Variants in AFF1 observed in about 807,000 individuals in gnomAD.
AFF1 encodes the protein AF4/FMR2 family member 1.
A neutral mutation model predicts 121.7 loss-of-function variants in AFF1; 48 were observed. The observed-to-expected ratio is 0.39, with a 90% confidence interval of 0.31 to 0.50. The LOEUF (loss-of-function observed/expected upper bound fraction) is 0.50, where lower values mean the gene tolerates loss of function less well. Among genes scored for constraint, AFF1 ranks in the 20% least tolerant of loss-of-function variants. AFF1 has a pLI of 0.76. For missense variants in AFF1, 1,523 were observed against 1,511.7 expected (o/e 1.01, Z -0.12); for synonymous variants, 613 against 563.0 (o/e 1.09, Z -1.26).
chr4:87,089,239 C>T (rs962439857), intron 5 of AFF1, among the ~76,000 whole-genome samples: 1 of 152,082 alleles, frequency 6.6e-6, no homozygotes, highest in African/African-American at 2.4e-5. Context: ...TGTGTATTTG[C>T]AATTTGACAC....
intron 2 of AFF1, among the ~76,000 whole-genome samples, chr4:87,008,833 C>A (rs1025327827): frequency 6.6e-6 from 1 of 152,118 alleles, no homozygotes; most frequent in Non-Finnish European, 1.5e-5. Context: ...CCATTGATTT[C>A]TTTTAAATAT....
intron 2 of AFF1, chr4:87,020,739 C>T: frequency 4.2e-6 from 4 of 941,216 alleles, no homozygotes; most frequent in Non-Finnish European, 5.1e-6. Context: ...CTGCCTCAGC[C>T]TCTCAAAATG....
In AFF1 at chr4:86,960,865, G is replaced by C. The variant is rs1414795220; in HGVS notation, c.38+12294G>C. On this transcript the variant is annotated intron_variant, in intron 2 of 20. Coordinates refer to ENST00000395146, the MANE Select transcript of AFF1 (RefSeq NM_001166693.3). ...GGTCAGAGACTGCCCTTTGTAACCT[G>C]AGTGGAACTGGTAAGGCACTGGGCA... 3.9e-5 allele frequency among the ~76,000 whole-genome samples: 6 copies of C among 152,264 alleles called. No homozygotes were observed. In the East Asian group the frequency reaches 9.7e-4, roughly 25 times the overall value.
rs1166105519 is a variant in AFF1 at position 87,137,515 on chromosome 4, T to C, written c.*1814T>C. ...ACTAAGTCAGAGGTCTGGTCCCTCATGTTTAGGTGAAAGCCAGAGAATGAC... is the reference window on the plus strand; with the variant it reads ...ACTAAGTCAGAGGTCTGGTCCCTCACGTTTAGGTGAAAGCCAGAGAATGAC... On this transcript the variant is annotated 3_prime_UTR_variant, in exon 21 of 21. Coordinates refer to ENST00000395146, the MANE Select transcript of AFF1 (RefSeq NM_001166693.3). 1.3e-5 allele frequency: 3 copies of C among 230,466 alleles called. No individual in the cohort carries two copies. The East Asian group carries it at 1.8e-4, about 14-fold the overall frequency. The allele number at this position is 230,466 out of a possible 1,614,324, so 14.3% of individuals were successfully genotyped here. A position where few individuals can be genotyped will look rare whatever the true frequency, so the allele number is the denominator to read the frequency against.
intron 2 of AFF1, among the ~76,000 whole-genome samples, chr4:87,008,034 A>G (rs1726345709): frequency 1.3e-5 from 2 of 151,592 alleles, no homozygotes; most frequent in African/African-American, 2.4e-5. Context: ...TAAGAACCTG[A>G]AGCCCCGTCT....
At chr4:87,030,945 A>G (rs773197416) in intron 2 of AFF1, among the ~76,000 whole-genome samples, 1 of 152,156 alleles carries the variant, frequency 6.6e-6, no homozygotes, top group Non-Finnish European at 1.5e-5. Flanking sequence ...GTGCATTTGC[A>G]TTCTAAACTC....
At chr4:87,052,514 G>A (rs1370279347) in intron 4 of AFF1, among the ~76,000 whole-genome samples, 1 of 152,024 alleles carries the variant, frequency 6.6e-6, no homozygotes, top group African/African-American at 2.4e-5. Context: ...TGGAACTGGC[G>A]ACATAGGCAG....
chr4:86,964,161 G>A (rs556821686), intron 2 of AFF1, among the ~76,000 whole-genome samples: 3 of 142,824 alleles, frequency 2.1e-5, no homozygotes, highest in South Asian at 2.2e-4. Flanking sequence ...GTCTCGCCCC[G>A]TCACCAGGCT....
chr4:87,019,884 C>CA (rs1553918041), intron 2 of AFF1, among the ~76,000 whole-genome samples: 1 of 82,560 alleles, frequency 1.2e-5, no homozygotes, highest in Admixed American at 1.3e-4. Flanking sequence ...CTGAAGGGGT[C>CA]GGGGGGGGGC....
chr4:87,062,646 A>T (rs1720901168), intron 4 of AFF1, among the ~76,000 whole-genome samples: 1 of 152,194 alleles, frequency 6.6e-6, no homozygotes, highest in Non-Finnish European at 1.5e-5. Flanking sequence ...TTATTTTTAT[A>T]GCCAGTAATA....
At chr4:86,954,430 T>G (rs1481438843) in intron 2 of AFF1, among the ~76,000 whole-genome samples, 1 of 152,180 alleles carries the variant, frequency 6.6e-6, no homozygotes, top group Non-Finnish European at 1.5e-5. Flanking sequence ...GAAAATGTTA[T>G]TAAAATCATT....
At chr4:86,988,380 C>G (rs1724453837) in intron 2 of AFF1, among the ~76,000 whole-genome samples, 1 of 147,824 alleles carries the variant, frequency 6.8e-6, no homozygotes. Context: ...GTTAGATCAA[C>G]TTTTTTTTTT....
At chr4:87,119,118 T>C (rs557228182) in intron 12 of AFF1, among the ~76,000 whole-genome samples, 1 of 152,322 alleles carries the variant, frequency 6.6e-6, no homozygotes, top group South Asian at 2.1e-4. Flanking sequence ...CCTATTCTCC[T>C]GCCTCACTGG....
At chr4:87,123,310 C>A (rs1365440153) in intron 12 of AFF1, among the ~76,000 whole-genome samples, 1 of 152,160 alleles carries the variant, frequency 6.6e-6, no homozygotes, top group Non-Finnish European at 1.5e-5. Context: ...ATATTACATT[C>A]TCTTTTTTCT....
At chr4:87,058,357 A>G (rs1720371464) in intron 4 of AFF1, among the ~76,000 whole-genome samples, 1 of 152,178 alleles carries the variant, frequency 6.6e-6, no homozygotes, top group African/African-American at 2.4e-5. Flanking sequence ...TCATGCAAAT[A>G]TAGGGTGGCA....
chr4:87,092,466 C>CT (rs1362183787), intron 7 of AFF1, among the ~76,000 whole-genome samples: 1 of 152,106 alleles, frequency 6.6e-6, no homozygotes, highest in African/African-American at 2.4e-5. Flanking sequence ...AAAAACAAAA[C>CT]TAAGAAATTT....
chr4:86,941,677 T>TAAAA (rs1266733855), intron 1 of AFF1, among the ~76,000 whole-genome samples: 1 of 149,766 alleles, frequency 6.7e-6, no homozygotes, highest in Non-Finnish European at 1.5e-5. Flanking sequence ...AATAAATAAA[T>TAAAA]AAAATAAAAA....
At position 87,139,231 on chromosome 4, in the gene AFF1, G is replaced by GGGAT. The variant is rs1320936977; in HGVS notation, c.*3532_*3535dup. On this transcript the variant is annotated 3_prime_UTR_variant, in exon 21 of 21. Transcript: ENST00000395146. ...CTGTGTTTGTTTCGCCATGGCTTCA[G>GGGAT]GGATGCTACATGGCTCTTGCACCTT... 4.3e-6 allele frequency: 1 copy of GGGAT among 232,472 alleles called. No homozygotes were observed. The highest frequency in any genetic ancestry group is 8.5e-6 in the Non-Finnish European group (1 of 117,648). The allele number at this position is 232,472 out of a possible 1,614,324, so 14.4% of individuals were successfully genotyped here.
chr4:86,962,229 C>T (rs1402859351), intron 2 of AFF1, among the ~76,000 whole-genome samples: 1 of 147,968 alleles, frequency 6.8e-6, no homozygotes, highest in Non-Finnish European at 1.5e-5. Flanking sequence ...TACAGGCTCA[C>T]TGGGACCCTG....
Sources: gnomAD v4.1 joint callset for allele counts (sites outside exome capture counted in the v4.1 genomes callset) on GRCh38, gnomAD v4.1.1 for gene constraint, MANE v1.5 for transcripts, NCBI Gene and HGNC (gene_info 2026-07-23, HGNC 2026-07-21) for gene names.